Variants in BAZ2B observed in about 807,000 individuals in gnomAD.
The protein encoded by BAZ2B is bromodomain adjacent to zinc finger domain protein 2B.
A neutral mutation model predicts 246.0 loss-of-function variants in BAZ2B; 91 were observed. That is an observed-to-expected ratio of 0.37 (90% CI 0.31 to 0.44). The LOEUF (loss-of-function observed/expected upper bound fraction) is 0.44, where lower values mean the gene tolerates loss of function less well. Among genes scored for constraint, BAZ2B ranks in the 20% least tolerant of loss-of-function variants. The pLI, the probability that BAZ2B is intolerant of heterozygous loss-of-function variation, is 1.00. For missense variants in BAZ2B, 2,332 were observed against 2,533.7 expected, an observed-to-expected ratio of 0.92 and a Z score of 1.71; for synonymous variants, 855 against 860.0, an observed-to-expected ratio of 0.99 and a Z score of 0.10.
intron 25 of BAZ2B, among the ~76,000 whole-genome samples, chr2:159,376,799 C>G (rs1173376287): frequency 6.6e-6 from 1 of 152,024 alleles, no homozygotes; most frequent in Non-Finnish European, 1.5e-5. Flanking sequence ...AAAATGTCTC[C>G]TAAAGTTTTA....
the BAZ2B span, among the ~76,000 whole-genome samples, chr2:159,633,372 A>T: frequency 6.6e-6 from 1 of 152,218 alleles, no homozygotes; most frequent in Non-Finnish European, 1.5e-5. Context: ...TTAGTAAGGA[A>T]TGACTACTTT....
chr2:159,513,423 T>C (rs767136124), intron 2 of BAZ2B, among the ~76,000 whole-genome samples: 8 of 152,210 alleles, frequency 5.3e-5, no homozygotes, highest in Non-Finnish European at 8.8e-5. Context: ...ATTTGGGTTG[T>C]ACCCACTCTG....
In BAZ2B at chr2:159,325,804, C is replaced by T. The variant is rs532331487; in HGVS notation, c.6058G>A (p.Ala2020Thr). 1 of 1,609,648 alleles carries T rather than the reference C, an allele frequency of 6.2e-7. No homozygotes were observed. Among genetic ancestry groups the T allele is most frequent in the Non-Finnish European group, 8.5e-7 (1 of 1,178,794 alleles). ...CTTTTTAGTGAACTACTTGTAGATGCAGAGTCTTCATCTTCAGTATCTCCT... is the reference window on the plus strand; with the variant it reads ...CTTTTTAGTGAACTACTTGTAGATGTAGAGTCTTCATCTTCAGTATCTCCT... ...LTGDTEDEDS[A>T]STSSSLKRGN... The change falls in exon 35 of 37, where the codon GCA (alanine) becomes ACA (threonine). Residue 2020 changes from alanine (A) to threonine (T), a missense_variant. Ala to Thr is a moderately conservative substitution (Grantham distance 58, BLOSUM62 0). Transcript: ENST00000392783.
At chr2:159,693,788 TAA>T in the BAZ2B span, 1 of 151,996 alleles carries the variant, frequency 6.6e-6, no homozygotes, top group African/African-American at 2.4e-5. Context: ...GATGCAGCCT[TAA>T]ACTCCTGGTC....
intron 3 of BAZ2B, chr2:159,463,777 T>C (rs954064391): frequency 1.3e-5 from 2 of 152,218 alleles, no homozygotes; most frequent in African/African-American, 4.8e-5. Flanking sequence ...CGATCTCCGC[T>C]CACTGCAACC....
chr2:159,686,079 T>C, the BAZ2B span, among the ~76,000 whole-genome samples: 5 of 152,112 alleles, frequency 3.3e-5, 1 homozygote, highest in East Asian at 9.7e-4. Context: ...TTGGGAAACA[T>C]AGCCAAGACC....
At chr2:159,637,803 C>G in the BAZ2B span, among the ~76,000 whole-genome samples, 2 of 152,322 alleles carry the variant, frequency 1.3e-5, no homozygotes, top group South Asian at 4.1e-4. Context: ...CTCAAGCAAT[C>G]CATCTACCTC....
At chr2:159,564,973 T>G (rs545478952) in intron 1 of BAZ2B, among the ~76,000 whole-genome samples, 45 of 152,250 alleles carry the variant, frequency 3.0e-4, no homozygotes, top group Admixed American at 9.2e-4. Flanking sequence ...TGGGTTCAAG[T>G]GATTCTCCCA....
intron 31 of BAZ2B, among the ~76,000 whole-genome samples, chr2:159,346,259 A>G (rs1163767147): frequency 1.3e-5 from 2 of 152,240 alleles, no homozygotes; most frequent in Non-Finnish European, 2.9e-5. Flanking sequence ...GAGATCCTCA[A>G]AAGTGTCCAA....
the BAZ2B span, among the ~76,000 whole-genome samples, chr2:159,630,596 C>G: frequency 2.6e-5 from 4 of 151,082 alleles, no homozygotes; most frequent in South Asian, 2.1e-4. Flanking sequence ...TGCAGTGGCG[C>G]AATCTCGGCT....
intron 1 of BAZ2B, among the ~76,000 whole-genome samples, chr2:159,590,339 T>A (rs1172205236): frequency 7.0e-6 from 1 of 143,706 alleles, no homozygotes; most frequent in Non-Finnish European, 1.5e-5. Context: ...CCTGTAATCC[T>A]AGCACTTTGG....
intron 9 of BAZ2B, among the ~76,000 whole-genome samples, chr2:159,431,458 A>G (rs1472281569): frequency 6.6e-6 from 1 of 152,232 alleles, no homozygotes; most frequent in Non-Finnish European, 1.5e-5. Context: ...CAGAGAAACT[A>G]AAGTAAAAGA....
Position 159,430,898 on chromosome 2 carries a change from G to T in BAZ2B, c.2159C>A (p.Thr720Lys), listed in dbSNP as rs200295483. The T allele has an allele frequency of 6.2e-7, 1 of 1,613,844 alleles. No homozygotes were observed. Among genetic ancestry groups the T allele is most frequent in the Non-Finnish European group, 8.5e-7 (1 of 1,179,810 alleles). ...SESQSPAFLG[T>K]SSSTLTSSPH... ...GCTTGAAGTAAGTGTGGAAGAAGAT[G>T]TACCAAGAAAAGCAGGTGACTGGGA... is the stretch of plus-strand genomic sequence containing the variant. The change falls in exon 10 of 37, where the codon ACA (threonine) becomes AAA (lysine). Residue 720 changes from threonine to lysine, a missense_variant. Coordinates refer to ENST00000392783, the MANE Select transcript of BAZ2B (RefSeq NM_013450.4).
chr2:159,595,537 C>T (rs1420335306), intron 1 of BAZ2B, among the ~76,000 whole-genome samples: 1 of 152,200 alleles, frequency 6.6e-6, no homozygotes, highest in Non-Finnish European at 1.5e-5. Flanking sequence ...TTCTACTAGT[C>T]TGCTAAAATG....
At chr2:159,598,900 G>A (rs948932025) in intron 1 of BAZ2B, among the ~76,000 whole-genome samples, 2 of 152,132 alleles carry the variant, frequency 1.3e-5, no homozygotes, top group African/African-American at 4.8e-5. Context: ...GGGTGTGGTG[G>A]CAAGAGTGAA....
intron 1 of BAZ2B, among the ~76,000 whole-genome samples, chr2:159,597,151 T>A (rs953073436): frequency 2.6e-5 from 4 of 151,152 alleles, no homozygotes; most frequent in African/African-American, 9.9e-5. Flanking sequence ...TCAATAGTGA[T>A]GTTGAGCATT....
In BAZ2B at chr2:159,374,728, A is replaced by G. The variant is rs2061235288; in HGVS notation, c.4031T>C (p.Val1344Ala). The change falls in exon 26 of 37, where the codon GTT becomes GCT. Residue 1344 changes from valine to alanine, a missense_variant. Physicochemically the swap from Val to Ala is moderately conservative, Grantham distance 64. Around this residue, in one of 9 missense-constraint regions of BAZ2B, gnomAD observed 676 missense variants for 668.6 expected, o/e 1.01. Transcript: ENST00000392783. ...DEDEGDQAAS[V>A]EELEKQIEKL... ...TTCAATCTGTTTTTCCAGCTCTTCA[A>G]CACTTGCTGCTTGGTCACCTTCATC... 3.7e-6 allele frequency: 6 copies of G among 1,613,122 alleles called. No individual in the cohort carries two copies. Among genetic ancestry groups the G allele is most frequent in the Non-Finnish European group, 5.1e-6 (6 of 1,179,552 alleles).
intron 2 of BAZ2B, among the ~76,000 whole-genome samples, chr2:159,539,933 C>T (rs2086460645): frequency 6.6e-6 from 1 of 152,160 alleles, no homozygotes; most frequent in Admixed American, 6.5e-5. Context: ...AGTGTTACCT[C>T]ATCAGGGAGA....
intron 2 of BAZ2B, among the ~76,000 whole-genome samples, chr2:159,553,760 A>T (rs2088685398): frequency 6.6e-6 from 1 of 152,190 alleles, no homozygotes; most frequent in Admixed American, 6.5e-5. Context: ...ATAAATAGCT[A>T]CTACACTTCA....
Sources: allele counts gnomAD v4.1 joint callset (sites outside exome capture counted in the v4.1 genomes callset), GRCh38; gene constraint gnomAD v4.1.1; regional missense constraint gnomAD v4.1.1; transcripts MANE v1.5; gene names NCBI Gene and HGNC (gene_info 2026-07-23, HGNC 2026-07-21).